Variants in UNC13C observed in about 807,000 individuals in gnomAD.
UNC13C encodes the protein protein unc-13 homolog C.
A neutral mutation model predicts 245.4 loss-of-function variants in UNC13C; 174 were observed. That is an observed-to-expected ratio of 0.71 (90% CI 0.63 to 0.80). The LOEUF is 0.80. Among genes scored for constraint, UNC13C ranks in the 30% least tolerant of loss-of-function variants. The pLI is 0.00. For synonymous variants in UNC13C, 992 were observed against 895.1 expected, an observed-to-expected ratio of 1.11 and a Z score of -1.93; for missense variants, 2,829 against 2,602.9, an observed-to-expected ratio of 1.09 and a Z score of -1.89.
At chr15:54,083,409 G>T (rs2141121748) in intron 2 of UNC13C, among the ~76,000 whole-genome samples, 1 of 152,268 alleles carries the variant, frequency 6.6e-6, no homozygotes. Flanking sequence ...TCAGGGTGCT[G>T]CTGCTCTGTG....
chr15:53,864,235 T>A, the UNC13C span, among the ~76,000 whole-genome samples: 1 of 152,168 alleles, frequency 6.6e-6, no homozygotes, highest in African/African-American at 2.4e-5. Context: ...GAAAACTGAC[T>A]GAAAATATGT....
At chr15:54,164,804 A>T (rs1158098159) in intron 4 of UNC13C, among the ~76,000 whole-genome samples, 3 of 152,224 alleles carry the variant, frequency 2.0e-5, no homozygotes, top group Non-Finnish European at 4.4e-5. Context: ...GCTTCTAAAC[A>T]TTAAAAAATC....
At position 54,498,012 on chromosome 15, in the gene UNC13C, G is replaced by A. The variant is rs1292712974; in HGVS notation, c.5061-2067G>A. Among the ~76,000 whole-genome samples the A allele has an allele frequency of 3.9e-5, 6 of 152,194 alleles. No homozygotes were observed. The South Asian group carries it at 1.2e-3, about 32-fold the overall frequency. ...CAACAGGACTAAATAACTATCTGGA[G>A]ATTATGCTTCTTCAGCAATGAATTG... On this transcript the variant is annotated intron_variant, in intron 20 of 32. Coordinates refer to ENST00000260323, the MANE Select transcript of UNC13C (RefSeq NM_001080534.3).
intron 2 of UNC13C, among the ~76,000 whole-genome samples, chr15:54,028,197 T>A (rs1566960428): frequency 6.6e-6 from 1 of 152,208 alleles, no homozygotes; most frequent in Non-Finnish European, 1.5e-5. Context: ...TTCAGTTGAT[T>A]TCATAATGTA....
At chr15:54,546,656 A>G in intron 26 of UNC13C, 66 bp from the exon 27 acceptor site, 1 of 973,750 alleles carries the variant, frequency 1.0e-6, no homozygotes, top group South Asian at 2.8e-5. Context: ...TGAAAATCGT[A>G]AAGGCCTAAA....
intron 30 of UNC13C, among the ~76,000 whole-genome samples, chr15:54,572,338 A>G (rs577622817): frequency 1.3e-5 from 2 of 152,128 alleles, no homozygotes; most frequent in East Asian, 3.9e-4. Flanking sequence ...ATTATCTGGG[A>G]AAAAAATTTG....
intron 23 of UNC13C, among the ~76,000 whole-genome samples, chr15:54,508,066 G>T (rs745859518): frequency 1.3e-5 from 2 of 151,904 alleles, no homozygotes; most frequent in Non-Finnish European, 2.9e-5. Flanking sequence ...TCTATAAGAT[G>T]CTTCTTTTCC....
intron 19 of UNC13C, among the ~76,000 whole-genome samples, chr15:54,446,403 A>T (rs528105289): frequency 1.1e-4 from 16 of 152,146 alleles, no homozygotes; most frequent in African/African-American, 3.4e-4. Context: ...CATTTTCACG[A>T]TATTGATTCT....
chr15:54,489,476 T>G (rs1444933831), intron 19 of UNC13C, among the ~76,000 whole-genome samples: 4 of 152,168 alleles, frequency 2.6e-5, no homozygotes, highest in African/African-American at 4.8e-5. Context: ...GGAGACAGCC[T>G]CAATGTATGT....
At chr15:54,147,793 T>TGTGC in intron 4 of UNC13C, among the ~76,000 whole-genome samples, 1 of 151,216 alleles carries the variant, frequency 6.6e-6, no homozygotes, top group Admixed American at 6.6e-5. Context: ...TGTGTGCGTG[T>TGTGC]GTGTGTGTGT....
chr15:54,286,122 C>G (rs923596575), intron 10 of UNC13C, among the ~76,000 whole-genome samples: 3 of 152,148 alleles, frequency 2.0e-5, no homozygotes, highest in Admixed American at 6.6e-5. Flanking sequence ...CTCAAGTGAT[C>G]TGTCCACTTC....
intron 17 of UNC13C, among the ~76,000 whole-genome samples, chr15:54,390,020 C>T (rs527831232): frequency 3.4e-4 from 51 of 152,232 alleles, no homozygotes; most frequent in African/African-American, 7.0e-4. Flanking sequence ...TGAGCCACTG[C>T]GCCCGGCCCG....
At chr15:53,869,395 C>T in the UNC13C span, among the ~76,000 whole-genome samples, 1 of 148,692 alleles carries the variant, frequency 6.7e-6, no homozygotes, top group Non-Finnish European at 1.5e-5. Context: ...AGAAGAAAAT[C>T]ATTAATATTT....
At chr15:54,407,166 G>A (rs1289446521) in intron 18 of UNC13C, among the ~76,000 whole-genome samples, 1 of 152,092 alleles carries the variant, frequency 6.6e-6, no homozygotes, top group Non-Finnish European at 1.5e-5. Context: ...GTTTTTAAAA[G>A]GTAAATTTGG....
At chr15:54,535,793 T>C (rs886693357) in intron 26 of UNC13C, among the ~76,000 whole-genome samples, 7 of 152,000 alleles carry the variant, frequency 4.6e-5, no homozygotes, top group African/African-American at 1.7e-4. Context: ...CCTTTGAAAA[T>C]TGTAAAAGAA....
chr15:54,301,525 G>A (rs934092506), intron 13 of UNC13C, among the ~76,000 whole-genome samples: 4 of 152,118 alleles, frequency 2.6e-5, no homozygotes, highest in African/African-American at 9.7e-5. Flanking sequence ...ACTTTTGAGT[G>A]AGAACATGCA....
intron 19 of UNC13C, among the ~76,000 whole-genome samples, chr15:54,442,812 T>A (rs1890603236): frequency 6.6e-6 from 1 of 152,128 alleles, no homozygotes; most frequent in South Asian, 2.1e-4. Flanking sequence ...GTTGGATTTG[T>A]TAGCTGGTAT....
intron 2 of UNC13C, among the ~76,000 whole-genome samples, chr15:54,083,727 T>A (rs1595828105): frequency 6.6e-6 from 1 of 152,168 alleles, no homozygotes; most frequent in South Asian, 2.1e-4. Context: ...AAGGGTTAGA[T>A]CTCTAGGGAC....
chr15:53,919,184 T>A, the UNC13C span, among the ~76,000 whole-genome samples: 1 of 152,208 alleles, frequency 6.6e-6, no homozygotes, highest in Non-Finnish European at 1.5e-5. Context: ...ACTAGCTGTG[T>A]GAGCTTGGGC....
Sources: gnomAD v4.1 joint callset for allele counts (sites outside exome capture counted in the v4.1 genomes callset) on GRCh38, gnomAD v4.1.1 for gene constraint, MANE v1.5 for transcripts, NCBI Gene and HGNC (gene_info 2026-07-23, HGNC 2026-07-21) for gene names.